Variants in HMCN1 observed in about 807,000 individuals in gnomAD.
HMCN1 encodes hemicentin 1, also known as hemicentin-1.
In HMCN1, 321 loss-of-function variants were observed where a neutral mutation model predicts 625.9. That is an observed-to-expected ratio of 0.51 (90% CI 0.47 to 0.56). The LOEUF (loss-of-function observed/expected upper bound fraction) is 0.56, where lower values mean the gene tolerates loss of function less well. Ranked by LOEUF, HMCN1 falls within the 20% of genes least tolerant of loss-of-function variation. HMCN1 has a pLI of 0.00. For synonymous variants in HMCN1, 2,425 were observed against 2,417.6 expected, an observed-to-expected ratio of 1.00 and a Z score of -0.09; for missense variants, 6,588 against 6,887.3, an observed-to-expected ratio of 0.96 and a Z score of 1.54.
chr1:186,023,094 CATGTGTGGCT>C lies in HMCN1; in HGVS notation c.5692_5701del (p.Cys1898ProfsTer28). ...CTGTTGGAAGATGCTGGCAGATACA[CATGTGTGGCT>C]ACCAACGCAGCTGGAGAAACACAAC... On this transcript the variant is annotated frameshift_variant, in exon 36 of 107. Transcript: ENST00000271588. LOFTEE classifies it high-confidence loss of function. 6.2e-7 allele frequency: 1 copy of C among 1,613,222 alleles called. No homozygotes were observed. The highest frequency in any genetic ancestry group is 8.5e-7 in the Non-Finnish European group (1 of 1,179,326).
At position 186,016,124 on chromosome 1, in the gene HMCN1, T is replaced by C. The variant is rs1200466009; in HGVS notation, c.5076T>C (p.Ala1692=). 6.2e-7 allele frequency: 1 copy of C among 1,613,454 alleles called. No homozygotes were observed. The highest frequency in any genetic ancestry group is 1.7e-5 in the Admixed American group (1 of 59,938). ...CTAATGACAATATCCGCATAGAAGC[T>C]GGTGGGAAGAAACTCGAAATCATGA... ...VKANDNIRIE[A]GGKKLEIMSA... Residue 1692 remains alanine (A), a synonymous_variant, in exon 32 of 107, where the codon GCT becomes GCC. Transcript: ENST00000271588.
intron 6 of HMCN1, among the ~76,000 whole-genome samples, chr1:185,917,153 C>A (rs565588264): frequency 6.6e-6 from 1 of 152,158 alleles, no homozygotes; most frequent in African/African-American, 2.4e-5. Context: ...ATTTACACCA[C>A]AGAAATTGAA....
intron 97 of HMCN1, among the ~76,000 whole-genome samples, chr1:186,163,791 T>C (rs1651686169): frequency 6.6e-6 from 1 of 152,192 alleles, no homozygotes; most frequent in Non-Finnish European, 1.5e-5. Context: ...CATGGCAATA[T>C]TGTAAAACCT....
chr1:185,944,284 A>T (rs1668226350), intron 11 of HMCN1, among the ~76,000 whole-genome samples: 1 of 152,226 alleles, frequency 6.6e-6, no homozygotes, highest in South Asian at 2.1e-4. Context: ...AAAGACATAC[A>T]GAAGGATAAG....
At chr1:185,744,360 A>G (rs1218775321) in intron 1 of HMCN1, among the ~76,000 whole-genome samples, 1 of 152,114 alleles carries the variant, frequency 6.6e-6, no homozygotes, top group Non-Finnish European at 1.5e-5. Flanking sequence ...TAACGACTAT[A>G]ATATATATTC....
At chr1:186,173,530 A>G (rs1652362705) in intron 102 of HMCN1, among the ~76,000 whole-genome samples, 1 of 149,830 alleles carries the variant, frequency 6.7e-6, no homozygotes, top group South Asian at 2.1e-4. Context: ...AGTCCCAGCT[A>G]CTCTGGGGGC....
intron 1 of HMCN1, among the ~76,000 whole-genome samples, chr1:185,808,792 C>T (rs1305237939): frequency 6.6e-6 from 1 of 152,098 alleles, no homozygotes; most frequent in African/African-American, 2.4e-5. Context: ...TTCTTCGTGG[C>T]TCAATATTTC....
At chr1:186,137,753 A>G (rs1250155309) in intron 88 of HMCN1, 49 bp from the exon 89 acceptor site, 1 of 1,613,976 alleles carries the variant, frequency 6.2e-7, no homozygotes. Flanking sequence ...CAGTGTAAGT[A>G]TTCCCAATTG....
intron 29 of HMCN1, among the ~76,000 whole-genome samples, chr1:186,005,516 T>C (rs1653562143): frequency 1.3e-5 from 2 of 148,786 alleles, no homozygotes; most frequent in African/African-American, 2.6e-5. Context: ...AAGTTTTTAA[T>C]TGTTTAAATT....
In HMCN1 at chr1:186,048,330, A is replaced by C. The variant is rs562267876; in HGVS notation, c.6481-413A>C. On this transcript the variant is annotated intron_variant, in intron 41 of 106. Coordinates refer to ENST00000271588, the MANE Select transcript of HMCN1 (RefSeq NM_031935.3). The stretch of plus-strand genomic sequence containing the variant: ...AATACTTAGCTTAAAGAAGCTTACA[A>C]ACCTAGCATGGGAGAAAGATAAATG... Among the ~76,000 whole-genome samples the C allele has an allele frequency of 5.3e-5, 8 of 152,282 alleles. No individual in the cohort carries two copies. The South Asian group carries it at 1.7e-3, about 32-fold the overall frequency.
At chr1:185,948,735 G>C (rs1668478633) in intron 11 of HMCN1, among the ~76,000 whole-genome samples, 1 of 151,358 alleles carries the variant, frequency 6.6e-6, no homozygotes, top group African/African-American at 2.4e-5. Flanking sequence ...TGACATTCCT[G>C]CCTTCTTATA....
intron 51 of HMCN1, among the ~76,000 whole-genome samples, chr1:186,070,135 A>G (rs548761407): frequency 6.6e-6 from 1 of 152,360 alleles, no homozygotes; most frequent in Admixed American, 6.5e-5. Flanking sequence ...AGATGAGGTC[A>G]TTAGTGACTT....
chr1:186,038,553 G>A (rs189863503), intron 37 of HMCN1, among the ~76,000 whole-genome samples: 49 of 152,180 alleles, frequency 3.2e-4, no homozygotes, highest in Admixed American at 7.9e-4. Context: ...AAATAGATAG[G>A]TTGAAAGTTT....
At chr1:186,021,433 C>G (rs1451748583) in intron 35 of HMCN1, among the ~76,000 whole-genome samples, 1 of 151,946 alleles carries the variant, frequency 6.6e-6, no homozygotes, top group African/African-American at 2.4e-5. Flanking sequence ...AGAGTTCTGG[C>G]TGGACATATT....
In HMCN1 at chr1:185,923,699, G is replaced by A. The variant is rs1279447786; in HGVS notation, c.1285+46G>A. On this transcript the variant is annotated intron_variant, in intron 8 of 106. Transcript: ENST00000271588. ...ACATTGAAATATTGACAGTTTAAGA[G>A]GGTGATGTTGTCCCATAGGTAAATA... 9 of 1,478,078 alleles carry A rather than the reference G, an allele frequency of 6.1e-6. No individual in the cohort carries two copies. In the African/African-American group the frequency reaches 9.7e-5, roughly 16 times the overall value. The allele number at this position is 1,478,078 out of a possible 1,614,324, so 91.6% of individuals were successfully genotyped here.
chr1:185,804,539 A>G (rs1659045051), intron 1 of HMCN1, among the ~76,000 whole-genome samples: 1 of 152,086 alleles, frequency 6.6e-6, no homozygotes, highest in African/African-American at 2.4e-5. Context: ...CCACAACTCA[A>G]AGTCTTTATG....
intron 63 of HMCN1, among the ~76,000 whole-genome samples, chr1:186,089,756 A>T (rs1659733595): frequency 6.6e-6 from 1 of 151,638 alleles, no homozygotes; most frequent in Non-Finnish European, 1.5e-5. Context: ...GTCATATATT[A>T]GATACTCATT....
At chr1:185,963,997 G>A in intron 13 of HMCN1, 102 bp downstream of exon 13, 3 of 947,278 alleles carry the variant, frequency 3.2e-6, no homozygotes, top group Non-Finnish European at 3.4e-6. Context: ...ATGCATACAT[G>A]GTATTATACT....
intron 12 of HMCN1, among the ~76,000 whole-genome samples, chr1:185,963,262 G>T (rs916688729): frequency 6.6e-6 from 1 of 152,154 alleles, no homozygotes; most frequent in Non-Finnish European, 1.5e-5. Context: ...GAAGTCATAC[G>T]TGTGATCCAG....
Sources: gnomAD v4.1 joint callset for allele counts (sites outside exome capture counted in the v4.1 genomes callset) on GRCh38, gnomAD v4.1.1 for gene constraint, MANE v1.5 for transcripts, NCBI Gene and HGNC (gene_info 2026-07-23, HGNC 2026-07-21) for gene names.